Variants in CDH26 observed in about 807,000 individuals in gnomAD.
CDH26 encodes the protein cadherin-like protein 26.
In CDH26, 83 loss-of-function variants were observed where a neutral mutation model predicts 90.3. That is an observed-to-expected ratio of 0.92 (90% CI 0.77 to 1.10). CDH26 has a LOEUF of 1.10. CDH26 is among the 50% of genes least tolerant of loss of function. The probability of loss-of-function intolerance (pLI) is 0.00; values close to 1 mark genes in which losing one functional copy is unlikely to be tolerated. For missense variants in CDH26, 1,013 were observed against 1,037.6 expected, an observed-to-expected ratio of 0.98 and a Z score of 0.33; for synonymous variants, 397 against 396.3, an observed-to-expected ratio of 1.00 and a Z score of -0.02.
intron 5 of CDH26, 35 bp downstream of exon 5, chr20:59,983,105 T>G: frequency 6.2e-7 from 1 of 1,608,606 alleles, no homozygotes; most frequent in Non-Finnish European, 8.5e-7. Flanking sequence ...GGCTTCCTTC[T>G]GTCTCTGCTC....
At chr20:60,016,261 G>A (rs1461571566), downstream of CDH26, among the ~76,000 whole-genome samples, 1 of 152,150 alleles carries the variant, frequency 6.6e-6, no homozygotes, top group African/African-American at 2.4e-5. Flanking sequence ...GGCATGAAAT[G>A]TCTTTACATT....
chr20:59,997,765 A>G (rs2061618070), intron 13 of CDH26, among the ~76,000 whole-genome samples: 1 of 152,240 alleles, frequency 6.6e-6, no homozygotes, highest in South Asian at 2.1e-4. Flanking sequence ...GAAGGGAGAG[A>G]CTTATTGAAT....
chr20:59,978,741 T>A (rs2061355792), intron 4 of CDH26, among the ~76,000 whole-genome samples: 1 of 152,026 alleles, frequency 6.6e-6, no homozygotes, highest in Admixed American at 6.6e-5. Flanking sequence ...ATATGAAAAA[T>A]CTCACCCCAC....
intron 17 of CDH26, among the ~76,000 whole-genome samples, chr20:60,011,642 C>T (rs981173853): frequency 2.6e-5 from 4 of 152,276 alleles, no homozygotes; most frequent in Admixed American, 6.5e-5. Flanking sequence ...CGGTCTTGGC[C>T]GTGCTCCAGT....
At chr20:59,998,581 A>G (rs2061632853) in intron 13 of CDH26, among the ~76,000 whole-genome samples, 1 of 152,184 alleles carries the variant, frequency 6.6e-6, no homozygotes. Flanking sequence ...TTCTTGTACC[A>G]ACAAATCTTT....
chr20:60,018,062 G>GA (rs995585185), downstream of CDH26, among the ~76,000 whole-genome samples: 4 of 151,928 alleles, frequency 2.6e-5, no homozygotes, highest in Non-Finnish European at 5.9e-5. Flanking sequence ...ATGTGCTGAT[G>GA]AAAAAAATGT....
At chr20:59,983,154 A>G in intron 5 of CDH26, 84 bp downstream of exon 5, 2 of 1,469,802 alleles carry the variant, frequency 1.4e-6, no homozygotes, top group Non-Finnish European at 1.8e-6. Context: ...GCTTGATCCT[A>G]GTCATCTTCA....
At chr20:60,022,313 A>T (rs557128116) in intron 7 of CDH26, among the ~76,000 whole-genome samples, 4 of 152,368 alleles carry the variant, frequency 2.6e-5, no homozygotes, top group African/African-American at 9.6e-5. Flanking sequence ...ATGTGATTTT[A>T]TTATGAACAT....
At chr20:60,022,056 T>G (rs1328619122) in intron 7 of CDH26, among the ~76,000 whole-genome samples, 2 of 151,912 alleles carry the variant, frequency 1.3e-5, no homozygotes, top group African/African-American at 4.8e-5. Flanking sequence ...ATATTATATA[T>G]TATCACCTTC....
intron 1 of CDH26, among the ~76,000 whole-genome samples, chr20:59,966,535 C>A (rs574216355): frequency 6.6e-6 from 1 of 152,144 alleles, no homozygotes; most frequent in Non-Finnish European, 1.5e-5. Context: ...GTTTTTCCTG[C>A]AAGTGCGTGA....
chr20:59,988,949 G>C lies in CDH26; in HGVS notation c.1069G>C (p.Val357Leu). The C allele has an allele frequency of 6.2e-7, 1 of 1,614,110 alleles. No homozygotes were observed. The highest frequency in any genetic ancestry group is 8.5e-7 in the Non-Finnish European group (1 of 1,180,030). Residue 357 changes from valine (V) to leucine (L), a missense_variant, in exon 9 of 18, where the codon GTG becomes CTG. Val to Leu is a conservative substitution (Grantham distance 32, BLOSUM62 1). Transcript: ENST00000348616. ...CCCAGCGCAAAGCCTCATCATTGTC[G>C]TGGAGAATGAGGAGAGGCTCGTCTT... ...TRPAQSLIIVVENEERLVFCE... is the reference protein window; with the variant it reads ...TRPAQSLIIVLENEERLVFCE...
At chr20:60,027,885 A>C (rs770854559) in intron 7 of CDH26, among the ~76,000 whole-genome samples, 1 of 152,344 alleles carries the variant, frequency 6.6e-6, no homozygotes, top group East Asian at 1.9e-4. Context: ...TTTTGGTTGG[A>C]ATAATGATAG....
chr20:60,002,714 C>A, intron 15 of CDH26, 99 bp from the exon 16 acceptor site: 1 of 783,934 alleles, frequency 1.3e-6, no homozygotes. Flanking sequence ...ACCTTTAGTA[C>A]AAAAATGAAA....
chr20:59,972,937 T>C (rs1224222835), intron 4 of CDH26, among the ~76,000 whole-genome samples: 8 of 152,244 alleles, frequency 5.3e-5, no homozygotes, highest in Non-Finnish European at 1.2e-4. Context: ...GAATCTCTAA[T>C]TTTTAAATCG....
intron 3 of CDH26, among the ~76,000 whole-genome samples, chr20:59,970,985 C>G (rs1204964727): frequency 1.3e-5 from 2 of 152,120 alleles, no homozygotes; most frequent in African/African-American, 2.4e-5. Context: ...CCAGTTTCCA[C>G]CCCTCCCTAT....
At chr20:59,993,569 A>G (rs940835810) in intron 10 of CDH26, among the ~76,000 whole-genome samples, 4 of 152,348 alleles carry the variant, frequency 2.6e-5, no homozygotes, top group Non-Finnish European at 4.4e-5. Flanking sequence ...AGCTCTATTC[A>G]AGTGTCTGCA....
At chr20:59,960,941 A>C (rs2061062850) in intron 1 of CDH26, among the ~76,000 whole-genome samples, 1 of 152,234 alleles carries the variant, frequency 6.6e-6, no homozygotes, top group Admixed American at 6.5e-5. Context: ...AGGCACTGGG[A>C]ATACACCAAT....
Position 59,996,710 on chromosome 20 carries a change from C to T in CDH26, c.1968C>T (p.Gly656=), listed in dbSNP as rs774711671. The T allele has an allele frequency of 6.2e-7, 1 of 1,614,216 alleles. No individual in the cohort carries two copies. Among genetic ancestry groups the T allele is most frequent in the East Asian group, 2.2e-5 (1 of 44,876 alleles). Residue 656 remains glycine, a synonymous_variant, in exon 13 of 18, where the codon GGC becomes GGT. Transcript: ENST00000348616. Reference sequence around the variant, plus strand: ...GATGCTCTGTATCCAATGATGAAGGCCACCAAACACTGGTCATGTATAATG... The same window carrying T: ...GATGCTCTGTATCCAATGATGAAGGTCACCAAACACTGGTCATGTATAATG... ...RHGCSVSNDE[G]HQTLVMYNAE...
intron 1 of CDH26, among the ~76,000 whole-genome samples, chr20:59,967,867 TTCTTTCTTTCTTC>T (rs2061179253): frequency 6.1e-5 from 7 of 114,768 alleles, no homozygotes; most frequent in African/African-American, 3.7e-4. Flanking sequence ...CTTTCTTTCT[TTCTTTCTTTCTTC>T]CTTCCTTCCT....
Sources: gnomAD v4.1 joint callset for allele counts (sites outside exome capture counted in the v4.1 genomes callset) on GRCh38, gnomAD v4.1.1 for gene constraint, MANE v1.5 for transcripts, NCBI Gene and HGNC (gene_info 2026-07-23, HGNC 2026-07-21) for gene names.